NRXN3: variants seen among roughly 807,000 people sequenced by gnomAD.
NRXN3 encodes neurexin III.
A neutral mutation model predicts 137.6 loss-of-function variants in NRXN3; 32 were observed. That is an observed-to-expected ratio of 0.23 (90% CI 0.18 to 0.31). The LOEUF is 0.31. NRXN3 is among the 10% of genes least tolerant of loss of function. The pLI is 1.00. For synonymous variants in NRXN3, 798 were observed against 784.5 expected (o/e 1.02, Z -0.29); for missense variants, 1,574 against 2,062.5 (o/e 0.76, Z 4.59).
chr14:78,451,852 G>A (rs1248788960), intron 4 of NRXN3, among the ~76,000 whole-genome samples: 1 of 152,176 alleles, frequency 6.6e-6, no homozygotes, highest in East Asian at 1.9e-4. Flanking sequence ...CTTATTTGCA[G>A]GCGTTAGAAT....
intron 1 of NRXN3, among the ~76,000 whole-genome samples, chr14:78,209,238 C>T (rs1217853674): frequency 6.6e-6 from 1 of 152,042 alleles, no homozygotes; most frequent in Non-Finnish European, 1.5e-5. Flanking sequence ...ACTGTGCCAG[C>T]TGTGGGAAGA....
chr14:79,505,944 A>G (rs1226433103), intron 16 of NRXN3, among the ~76,000 whole-genome samples: 2 of 152,158 alleles, frequency 1.3e-5, no homozygotes, highest in African/African-American at 4.8e-5. Flanking sequence ...TCAAGACTGT[A>G]TTTCTCATCT....
intron 17 of NRXN3, chr14:79,669,300 C>T (rs2098592738): frequency 6.6e-6 from 1 of 152,046 alleles, no homozygotes; most frequent in South Asian, 2.1e-4. Context: ...ATAAGGGCAA[C>T]CAGAGAAAGC....
intron 16 of NRXN3, among the ~76,000 whole-genome samples, chr14:79,570,807 G>A (rs962171256): frequency 2.0e-5 from 3 of 152,128 alleles, no homozygotes; most frequent in African/African-American, 7.2e-5. Flanking sequence ...TTTCTGTGAG[G>A]GATCACTTCC....
intron 10 of NRXN3, among the ~76,000 whole-genome samples, chr14:78,908,448 T>C (rs2099225673): frequency 6.6e-6 from 1 of 151,928 alleles, no homozygotes; most frequent in Non-Finnish European, 1.5e-5. Context: ...TTCTGATTGT[T>C]GGAACTTCCT....
intron 10 of NRXN3, among the ~76,000 whole-genome samples, chr14:78,892,210 C>G (rs2099161030): frequency 6.6e-6 from 1 of 152,000 alleles, no homozygotes; most frequent in Non-Finnish European, 1.5e-5. Context: ...CCACTGGGCA[C>G]AGGAACGCTT....
intron 15 of NRXN3, among the ~76,000 whole-genome samples, chr14:79,063,089 A>C (rs2099676234): frequency 6.6e-6 from 1 of 152,188 alleles, no homozygotes; most frequent in Non-Finnish European, 1.5e-5. Context: ...AACTGTGGAC[A>C]TACATTTGCA....
intron 4 of NRXN3, among the ~76,000 whole-genome samples, chr14:78,639,874 C>T (rs1298674246): frequency 6.6e-6 from 1 of 152,156 alleles, no homozygotes; most frequent in East Asian, 1.9e-4. Context: ...AATGACCTCA[C>T]AGAACATTGA....
intron 4 of NRXN3, among the ~76,000 whole-genome samples, chr14:78,439,974 T>G (rs1189212574): frequency 3.3e-5 from 5 of 152,202 alleles, no homozygotes; most frequent in Non-Finnish European, 5.9e-5. Context: ...ACCTGCTCCT[T>G]CCTTTTGGCT....
At chr14:78,314,751 T>C (rs2078361059) in intron 4 of NRXN3, among the ~76,000 whole-genome samples, 1 of 152,146 alleles carries the variant, frequency 6.6e-6, no homozygotes. Context: ...GTGTCATGCG[T>C]ATTAGCTTTC....
intron 19 of NRXN3, among the ~76,000 whole-genome samples, chr14:79,752,260 G>T (rs909414414): frequency 6.6e-6 from 1 of 151,884 alleles, no homozygotes; most frequent in Non-Finnish European, 1.5e-5. Flanking sequence ...TCCTGTTATT[G>T]GTCTATTCAG....
chr14:79,311,004 C>A (rs1443979032), intron 15 of NRXN3, among the ~76,000 whole-genome samples: 1 of 129,324 alleles, frequency 7.7e-6, no homozygotes, highest in Non-Finnish European at 1.5e-5. Flanking sequence ...GCATCCCTGT[C>A]TTGTACCAGT....
At chr14:78,209,698 C>G (rs959568956) in intron 1 of NRXN3, among the ~76,000 whole-genome samples, 1 of 152,110 alleles carries the variant, frequency 6.6e-6, no homozygotes, top group East Asian at 1.9e-4. Flanking sequence ...CCCACCTGGT[C>G]CCTCCCTCAA....
intron 14 of NRXN3, among the ~76,000 whole-genome samples, chr14:78,986,451 C>T (rs74373817): frequency 0.015 from 2,278 of 151,810 alleles, 63 homozygotes; most frequent in African/African-American, 0.052. Context: ...CCAGGCGGAC[C>T]GAAAGAGTTT....
intron 15 of NRXN3, among the ~76,000 whole-genome samples, chr14:79,326,640 A>G (rs945210450): frequency 6.6e-6 from 1 of 152,204 alleles, no homozygotes; most frequent in Non-Finnish European, 1.5e-5. Context: ...TGTCTCTTTC[A>G]TTCTCATCTT....
intron 8 of NRXN3, among the ~76,000 whole-genome samples, chr14:78,757,975 G>A (rs925221327): frequency 6.6e-6 from 1 of 152,056 alleles, no homozygotes; most frequent in African/African-American, 2.4e-5. Flanking sequence ...AAAGCTCCTG[G>A]GTTATTTATG....
At chr14:79,588,626 T>G (rs1480491567) in intron 16 of NRXN3, among the ~76,000 whole-genome samples, 1 of 152,194 alleles carries the variant, frequency 6.6e-6, no homozygotes, top group Non-Finnish European at 1.5e-5. Flanking sequence ...CAGCCCTGAT[T>G]CAGAAGACCA....
At chr14:78,980,130 A>T (rs1301336134) in intron 14 of NRXN3, among the ~76,000 whole-genome samples, 2 of 152,214 alleles carry the variant, frequency 1.3e-5, no homozygotes, top group Non-Finnish European at 2.9e-5. Flanking sequence ...CCTTTGACTT[A>T]AGCCCTTCAC....
At chr14:78,407,709 G>A (rs1040837425) in intron 4 of NRXN3, among the ~76,000 whole-genome samples, 7 of 152,100 alleles carry the variant, frequency 4.6e-5, no homozygotes, top group East Asian at 3.9e-4. Flanking sequence ...CTCAGATTCC[G>A]TATCTTTACC....
Sources: gnomAD v4.1 joint callset for allele counts (sites outside exome capture counted in the v4.1 genomes callset) on GRCh38, gnomAD v4.1.1 for gene constraint, MANE v1.5 for transcripts, NCBI Gene and HGNC (gene_info 2026-07-23, HGNC 2026-07-21) for gene names.